Variants in MGP observed in about 807,000 individuals in gnomAD.
The protein encoded by MGP is cell growth-inhibiting gene 36 protein.
MGP carries 13 observed loss-of-function variants against 14.5 expected under a neutral mutation model. The ratio of observed to expected loss-of-function variants is 0.89; its 90% CI spans 0.58 to 1.42. MGP has a LOEUF of 1.42. Among genes scored for constraint, MGP ranks in the 40% most tolerant of loss-of-function variants. The probability of loss-of-function intolerance (pLI) is 0.00; values close to 1 mark genes in which losing one functional copy is unlikely to be tolerated. For synonymous variants in MGP, 44 were observed against 46.3 expected (o/e 0.95, Z 0.20); for missense variants, 128 against 133.7 (o/e 0.96, Z 0.21).
intron 1 of MGP, chr12:14,884,761 C>T (rs1863420297): frequency 6.7e-7 from 1 of 1,487,772 alleles, no homozygotes; most frequent in South Asian, 1.2e-5. Flanking sequence ...CTCTTAAGAA[C>T]CTGTGTTAAA....
At chr12:14,882,633 G>C (rs1863391459) in intron 3 of MGP, among the ~76,000 whole-genome samples, 1 of 151,288 alleles carries the variant, frequency 6.6e-6, no homozygotes, top group African/African-American at 2.4e-5. Context: ...ATCCAGTCTG[G>C]GCAACAGAGT....
chr12:14,884,758 G>C (rs1863420258), intron 1 of MGP: 10 of 1,477,028 alleles, frequency 6.8e-6, no homozygotes, highest in Non-Finnish European at 9.1e-6. Flanking sequence ...AGCCTCTTAA[G>C]AACCTGTGTT....
intron 2 of MGP, 60 bp from the exon 3 acceptor site, chr12:14,883,107 G>A: frequency 2.4e-6 from 3 of 1,271,858 alleles, no homozygotes; most frequent in Non-Finnish European, 3.4e-6. Flanking sequence ...ATATTTCCGT[G>A]AATATTCCTT....
Position 14,882,003 on chromosome 12 carries a change from G to A in MGP, c.*136C>T. On this transcript the variant is annotated 3_prime_UTR_variant, in exon 4 of 4. Transcript: ENST00000539261. ...ATCAATCTGGGGGCGGGAAAAAGGGGTGCAGCCAGACAAGAGAATATACAG... is the reference window on the plus strand; with the variant it reads ...ATCAATCTGGGGGCGGGAAAAAGGGATGCAGCCAGACAAGAGAATATACAG... 8.7e-7 allele frequency: 1 copy of A among 1,148,326 alleles called. No individual in the cohort carries two copies. Among genetic ancestry groups the A allele is most frequent in the African/African-American group, 1.5e-5 (1 of 65,304 alleles). The allele number at this position is 1,148,326 out of a possible 1,614,324, so 71.1% of individuals were successfully genotyped here.
chr12:14,884,964 A>G, intron 1 of MGP: 1 of 1,306,640 alleles, frequency 7.7e-7, no homozygotes. Context: ...TTCAAAACTT[A>G]AAAAGGAGGT....
In MGP at chr12:14,881,707, T is replaced by G; in HGVS notation, c.*432A>C. 5.7e-6 allele frequency: 1 copy of G among 173,986 alleles called. No individual in the cohort carries two copies. The highest frequency in any genetic ancestry group is 1.3e-5 in the Non-Finnish European group (1 of 79,902). The allele number at this position is 173,986 out of a possible 1,614,324, so 10.8% of individuals were successfully genotyped here. On this transcript the variant is annotated 3_prime_UTR_variant, in exon 4 of 4. Transcript: ENST00000539261. ...AACATACCAGATTCCATTCACGGAT[T>G]CCAAGGTAGAGAGGGTTTAGAGAAT...
chr12:14,884,027 T>C (rs1361472934), intron 2 of MGP, 186 bp downstream of exon 2: 3 of 490,916 alleles, frequency 6.1e-6, no homozygotes, highest in East Asian at 3.5e-5. Flanking sequence ...ATTGCACTAC[T>C]TCAAACTTAA....
In MGP at chr12:14,885,750, C is replaced by T. The variant is rs139024680; in HGVS notation, c.42G>A (p.Ala14=). 1.0e-4 allele frequency: 165 copies of T among 1,613,728 alleles called. No individual in the cohort carries two copies. In the African/African-American group the frequency reaches 1.2e-3, roughly 12 times the overall value. Residue 14 remains alanine (A), a synonymous_variant, in exon 1 of 4, where the codon GCG becomes GCA. Coordinates refer to ENST00000539261, the MANE Select transcript of MGP (RefSeq NM_000900.5). ...TCTCACCATAACACAAAGTTACTAC[C>T]GCTAAGGCGGCCAGGATGGCAAGAA... ...LILLAILAAL[A]VVTLCYESHE...
Position 14,883,084 on chromosome 12 carries a change from C to T in MGP, c.95-37G>A, listed in dbSNP as rs763592827. On this transcript the variant is annotated intron_variant, in intron 2 of 3. Coordinates refer to ENST00000539261, the MANE Select transcript of MGP (RefSeq NM_000900.5). ...AAATAAATAAATGCAGTTTTAGCGA[C>T]ACATAGCTGGAAATATTTCCGTGAA... 3 of 1,421,580 alleles carry T rather than the reference C, an allele frequency of 2.1e-6. No homozygotes were observed. The South Asian group carries it at 3.4e-5, about 16-fold the overall frequency. The allele number at this position is 1,421,580 out of a possible 1,614,324, so 88.1% of individuals were successfully genotyped here. A position where few individuals can be genotyped will look rare whatever the true frequency, so the allele number is the denominator to read the frequency against.
At chr12:14,884,928 T>A (rs1204103007) in intron 1 of MGP, 8 of 1,493,374 alleles carry the variant, frequency 5.4e-6, no homozygotes, top group Admixed American at 2.1e-5. Context: ...AAGCTTCTAT[T>A]AATATTTGCC....
intron 1 of MGP, chr12:14,884,865 GT>G: frequency 6.5e-7 from 1 of 1,535,082 alleles, no homozygotes; most frequent in Non-Finnish European, 8.7e-7. Flanking sequence ...CAAAGCCGAA[GT>G]TTTCTTCTTT....
chr12:14,882,367 CTT>C, intron 3 of MGP, 87 bp from the exon 4 acceptor site: 1 of 1,447,380 alleles, frequency 6.9e-7, no homozygotes, highest in Middle Eastern at 1.8e-4. Context: ...ATTGGAGAGA[CTT>C]TCTCTCCATG....
Position 14,881,098 on chromosome 12 carries a change from T to C in MGP, c.*1041A>G, listed in dbSNP as rs1863366736. 6.6e-6 allele frequency: 1 copy of C among 152,170 alleles called. No individual in the cohort carries two copies. Among genetic ancestry groups the C allele is most frequent in the South Asian group, 2.1e-4 (1 of 4,828 alleles). 9.4% of individuals were successfully genotyped at this position (152,170 alleles called of 1,614,324 possible). A position where few individuals can be genotyped will look rare whatever the true frequency, so the allele number is the denominator to read the frequency against. ...CTATAAAAAACGTTAAAGGAAGTCG[T>C]CAGGCAGAAAGGAAGTGACACCAGA... On this transcript the variant is annotated 3_prime_UTR_variant, in exon 4 of 4. Coordinates refer to ENST00000539261, the MANE Select transcript of MGP (RefSeq NM_000900.5).
At position 14,881,265 on chromosome 12, in the gene MGP, G is replaced by T. The variant is rs1356654195; in HGVS notation, c.*874C>A. On this transcript the variant is annotated 3_prime_UTR_variant, in exon 4 of 4. Coordinates refer to ENST00000539261, the MANE Select transcript of MGP (RefSeq NM_000900.5). ...GCTGGAGTGCATTGGTATGGTCATG[G>T]CTACTGAGATTACAGGTGTGGCCAC... 6.6e-6 allele frequency: 1 copy of T among 152,122 alleles called. No homozygotes were observed. Among genetic ancestry groups the T allele is most frequent in the Non-Finnish European group, 1.5e-5 (1 of 68,020 alleles). 9.4% of individuals were successfully genotyped at this position (152,122 alleles called of 1,614,324 possible). A position where few individuals can be genotyped will look rare whatever the true frequency, so the allele number is the denominator to read the frequency against.
At chr12:14,884,538 C>T (rs907557649) in intron 1 of MGP, among the ~76,000 whole-genome samples, 2 of 152,106 alleles carry the variant, frequency 1.3e-5, no homozygotes, top group Non-Finnish European at 2.9e-5. Flanking sequence ...AGGGCTATGA[C>T]GTCTTCAGAC....
At chr12:14,884,285 TC>T (rs1863415409) in intron 1 of MGP, 40 bp from the exon 2 acceptor site, 2 of 1,230,672 alleles carry the variant, frequency 1.6e-6, no homozygotes, top group Non-Finnish European at 2.3e-6. Flanking sequence ...TCAATATTTA[TC>T]CATGATTCAT....
intron 2 of MGP, chr12:14,883,531 G>C: frequency 5.2e-6 from 1 of 193,036 alleles, no homozygotes; most frequent in South Asian, 9.6e-5. Flanking sequence ...GGGTGTGGTG[G>C]CTCATGCCTG....
chr12:14,882,214 G>A lies in MGP; in HGVS notation c.237C>T (p.Cys79=), dbSNP rs886049106. The change falls in exon 4 of 4, where the codon TGC becomes TGT. Residue 79 remains cysteine (C), a synonymous_variant. Coordinates refer to ENST00000539261, the MANE Select transcript of MGP (RefSeq NM_000900.5). ...NREACDDYRL[C]ERYAMVYGYN... Reference sequence around the variant, plus strand: ...ATCCATAAACCATGGCGTAGCGTTCGCAAAGTCTGTAGTCATCACAGGCTT... The same window carrying A: ...ATCCATAAACCATGGCGTAGCGTTCACAAAGTCTGTAGTCATCACAGGCTT... 4.3e-6 allele frequency: 7 copies of A among 1,613,894 alleles called. No individual in the cohort carries two copies. Among genetic ancestry groups the A allele is most frequent in the East Asian group, 2.2e-5 (1 of 44,896 alleles).
rs759945039 is a variant in MGP at position 14,881,353 on chromosome 12, A to G, written c.*786T>C. The stretch of plus-strand genomic sequence containing the variant: ...TTAAAAGAAATTATTAAAATTATTT[A>G]AAGCAAGAATAGTAAAAATGTAGCG... On this transcript the variant is annotated 3_prime_UTR_variant, in exon 4 of 4. Coordinates refer to ENST00000539261, the MANE Select transcript of MGP (RefSeq NM_000900.5). 1.3e-5 allele frequency: 2 copies of G among 152,230 alleles called. No individual in the cohort carries two copies. The highest frequency in any genetic ancestry group is 2.9e-5 in the Non-Finnish European group (2 of 68,050). The allele number at this position is 152,230 out of a possible 1,614,324, so 9.4% of individuals were successfully genotyped here.
Sources: gnomAD v4.1 joint callset for allele counts (sites outside exome capture counted in the v4.1 genomes callset) on GRCh38, gnomAD v4.1.1 for gene constraint, MANE v1.5 for transcripts, NCBI Gene and HGNC (gene_info 2026-07-23, HGNC 2026-07-21) for gene names.